VPS41: variants seen among roughly 807,000 people sequenced by gnomAD.
The protein encoded by VPS41 is vacuolar protein sorting-associated protein 41 homolog.
VPS41 carries 85 observed loss-of-function variants against 130.9 expected under a neutral mutation model. The ratio of observed to expected loss-of-function variants is 0.65; its 90% CI spans 0.55 to 0.78. The LOEUF (loss-of-function observed/expected upper bound fraction) is 0.78, where lower values mean the gene tolerates loss of function less well. Ranked by LOEUF, VPS41 falls within the 30% of genes least tolerant of loss-of-function variation. VPS41 has a pLI of 0.00. For synonymous variants in VPS41, 335 were observed against 332.9 expected (o/e 1.01, Z -0.07); for missense variants, 874 against 1,018.7 (o/e 0.86, Z 1.93).
intron 2 of VPS41, among the ~76,000 whole-genome samples, chr7:38,873,513 A>G (rs562875293): frequency 6.6e-6 from 1 of 152,296 alleles, no homozygotes; most frequent in South Asian, 2.1e-4. Flanking sequence ...GTTAATAAAA[A>G]GCAAATCAAT....
In VPS41 at chr7:38,741,879, T is replaced by C. The variant is rs1012381713; in HGVS notation, c.2259+106A>G. ...TCTGGGCCTAAATAAAATGTAACCA[T>C]AAAATCGAAAGTTTTTAACTGATAC... On this transcript the variant is annotated intron_variant, in intron 25 of 28. Coordinates refer to ENST00000310301, the MANE Select transcript of VPS41 (RefSeq NM_014396.4). 6.7e-6 allele frequency: 9 copies of C among 1,340,226 alleles called. No individual in the cohort carries two copies. In the African/African-American group the frequency reaches 1.3e-4, roughly 20 times the overall value. 83.0% of individuals were successfully genotyped at this position (1,340,226 alleles called of 1,614,324 possible).
intron 3 of VPS41, among the ~76,000 whole-genome samples, chr7:38,865,677 T>C (rs988411925): frequency 2.0e-5 from 3 of 152,174 alleles, no homozygotes; most frequent in Non-Finnish European, 2.9e-5. Flanking sequence ...GTAAAAACCA[T>C]TTTAGGCAGA....
chr7:38,763,821 C>A (rs368521407), intron 16 of VPS41, among the ~76,000 whole-genome samples: 10 of 152,154 alleles, frequency 6.6e-5, no homozygotes, highest in Admixed American at 2.6e-4. Flanking sequence ...TAATAGAAAT[C>A]TAAATAATAG....
At chr7:38,903,268 C>T (rs1360251640) in intron 1 of VPS41, among the ~76,000 whole-genome samples, 1 of 152,162 alleles carries the variant, frequency 6.6e-6, no homozygotes, top group South Asian at 2.1e-4. Flanking sequence ...AGCATAGAAC[C>T]CTATGACAAT....
Position 38,726,117 on chromosome 7 carries a change from A to G in VPS41, c.*129T>C. On this transcript the variant is annotated 3_prime_UTR_variant, in exon 29 of 29. Coordinates refer to ENST00000310301, the MANE Select transcript of VPS41 (RefSeq NM_014396.4). ...ACCATTAGTACAGGAATAGATGAAG[A>G]AATTGTTTTTGAGTATAATATAAAC... 1.5e-6 allele frequency: 1 copy of G among 660,490 alleles called. No homozygotes were observed. Among genetic ancestry groups the G allele is most frequent in the African/African-American group, 1.8e-5 (1 of 55,210 alleles). The allele number at this position is 660,490 out of a possible 1,614,324, so 40.9% of individuals were successfully genotyped here. A position where few individuals can be genotyped will look rare whatever the true frequency, so the allele number is the denominator to read the frequency against.
At chr7:38,826,518 G>A (rs2116150876) in intron 5 of VPS41, among the ~76,000 whole-genome samples, 1 of 152,236 alleles carries the variant, frequency 6.6e-6, no homozygotes, top group South Asian at 2.1e-4. Context: ...ACAGGAAGAT[G>A]ACGACAATGA....
chr7:38,889,038 T>A (rs965784975), intron 2 of VPS41, among the ~76,000 whole-genome samples: 1 of 151,660 alleles, frequency 6.6e-6, no homozygotes, highest in Non-Finnish European at 1.5e-5. Context: ...AAAACCACCA[T>A]GGCACTTGTA....
intron 2 of VPS41, among the ~76,000 whole-genome samples, chr7:38,882,937 C>G (rs1786644578): frequency 6.6e-6 from 1 of 152,110 alleles, no homozygotes; most frequent in African/African-American, 2.4e-5. Flanking sequence ...TGCTTTCCAG[C>G]TTACAGTAAA....
At chr7:38,905,045 GATAAA>G (rs1316214224) in intron 1 of VPS41, among the ~76,000 whole-genome samples, 1 of 152,076 alleles carries the variant, frequency 6.6e-6, no homozygotes, top group African/African-American at 2.4e-5. Flanking sequence ...GTGCAAGTAA[GATAAA>G]ATAATTTCAC....
intron 10 of VPS41, among the ~76,000 whole-genome samples, chr7:38,785,791 T>G (rs913563343): frequency 3.3e-5 from 5 of 152,230 alleles, no homozygotes; most frequent in African/African-American, 1.2e-4. Context: ...AATCTAAGTT[T>G]GGTTCCCTTT....
intron 25 of VPS41, among the ~76,000 whole-genome samples, chr7:38,739,519 G>T (rs918156443): frequency 2.0e-5 from 3 of 152,196 alleles, no homozygotes; most frequent in Admixed American, 1.3e-4. Flanking sequence ...AACACATTAA[G>T]CGGTCATTAA....
intron 23 of VPS41, 22 bp from the exon 24 acceptor site, chr7:38,743,564 G>C: frequency 6.2e-7 from 1 of 1,608,602 alleles, no homozygotes; most frequent in East Asian, 2.2e-5. Context: ...GAAGATGGGA[G>C]AAAGAGTTCA....
At chr7:38,802,647 C>T (rs1784753455) in intron 7 of VPS41, among the ~76,000 whole-genome samples, 1 of 152,148 alleles carries the variant, frequency 6.6e-6, no homozygotes, top group Non-Finnish European at 1.5e-5. Flanking sequence ...TTTAAGAAAA[C>T]ATGAACTCCT....
rs138021611 is a variant in VPS41, at chr7:38,743,390, T to A, written c.2122+12A>T. ...AAAAAAAGTTATAACCAGAGATGGCTTTTATGCTTACGTGGTTTGTCAATG... is the reference window on the plus strand; with the variant it reads ...AAAAAAAGTTATAACCAGAGATGGCATTTATGCTTACGTGGTTTGTCAATG... On this transcript the variant is annotated intron_variant, in intron 24 of 28. Coordinates refer to ENST00000310301, the MANE Select transcript of VPS41 (RefSeq NM_014396.4). 7.9e-5 allele frequency: 128 copies of A among 1,613,732 alleles called. No homozygotes were observed. In the East Asian group the frequency reaches 2.9e-3, roughly 36 times the overall value.
At chr7:38,831,556 G>T (rs1192233407) in intron 4 of VPS41, among the ~76,000 whole-genome samples, 1 of 152,200 alleles carries the variant, frequency 6.6e-6, no homozygotes, top group Non-Finnish European at 1.5e-5. Context: ...CTTCTTTACT[G>T]CAAGTTACAC....
intron 4 of VPS41, among the ~76,000 whole-genome samples, chr7:38,851,964 T>C (rs1490351690): frequency 6.6e-6 from 1 of 152,102 alleles, no homozygotes; most frequent in African/African-American, 2.4e-5. Flanking sequence ...TAGCTGCCCA[T>C]GGAAATAATG....
At chr7:38,884,607 G>C (rs1171466750) in intron 2 of VPS41, among the ~76,000 whole-genome samples, 1 of 151,928 alleles carries the variant, frequency 6.6e-6, no homozygotes, top group Non-Finnish European at 1.5e-5. Context: ...CTCCCACCTC[G>C]GCTTCCCAAT....
At chr7:38,772,214 C>G (rs576891613) in intron 13 of VPS41, among the ~76,000 whole-genome samples, 2 of 152,182 alleles carry the variant, frequency 1.3e-5, no homozygotes, top group Non-Finnish European at 2.9e-5. Context: ...ATAGACACTT[C>G]TGAAATACTA....
At chr7:38,734,283 T>C (rs1391583567) in intron 25 of VPS41, among the ~76,000 whole-genome samples, 3 of 152,212 alleles carry the variant, frequency 2.0e-5, no homozygotes, top group Non-Finnish European at 4.4e-5. Flanking sequence ...GGGGTCAATT[T>C]CTTCTTACAT....
Sources: allele counts gnomAD v4.1 joint callset (sites outside exome capture counted in the v4.1 genomes callset), GRCh38; gene constraint gnomAD v4.1.1; transcripts MANE v1.5; gene names NCBI Gene and HGNC (gene_info 2026-07-23, HGNC 2026-07-21).